MEP1A: variants seen among roughly 807,000 people sequenced by gnomAD.
MEP1A encodes meprin A subunit alpha.
Under a neutral mutation model 84.5 loss-of-function variants are expected in MEP1A, and 68 were observed. The observed-to-expected ratio is 0.80, with a 90% CI of 0.66 to 0.98. The LOEUF is 0.98. Ranked by LOEUF, MEP1A falls within the 50% of genes least tolerant of loss-of-function variation. The pLI, the probability that MEP1A is intolerant of heterozygous loss-of-function variation, is 0.00. For synonymous variants in MEP1A, 337 were observed against 336.8 expected, an observed-to-expected ratio of 1.00 and a Z score of -0.01; for missense variants, 887 against 919.9, an observed-to-expected ratio of 0.96 and a Z score of 0.46.
intron 5 of MEP1A, among the ~76,000 whole-genome samples, chr6:46,806,675 G>T (rs967879312): frequency 6.6e-6 from 1 of 151,908 alleles, no homozygotes; most frequent in African/African-American, 2.4e-5. Context: ...GATTGAAGGG[G>T]CACTTATATA....
intron 5 of MEP1A, 27 bp downstream of exon 5, chr6:46,799,208 A>C (rs776136512): frequency 4.1e-6 from 6 of 1,474,888 alleles, no homozygotes; most frequent in South Asian, 2.3e-5. Context: ...TTAATTAGGA[A>C]GTTTCAGTTT....
At chr6:46,813,066 T>G (rs572374701) in intron 6 of MEP1A, among the ~76,000 whole-genome samples, 10 of 152,184 alleles carry the variant, frequency 6.6e-5, no homozygotes, top group African/African-American at 2.4e-4. Flanking sequence ...CAGTGAGTAT[T>G]AAAGTCCCCC....
rs2150752936 is a variant in MEP1A at position 46,825,457 on chromosome 6, A to G, written c.742A>G (p.Ile248Val). ...IIGQRLDFSA[I>V]DLERLNRMYN... ...CGGACAGCGCCTGGATTTCAGTGCC[A>G]TTGATTTAGAGAGGCTGAACCGAAT... Residue 248 changes from isoleucine (I) to valine (V), a missense_variant, in exon 8 of 14, where the codon ATT (isoleucine) becomes GTT (valine). Physicochemically the swap from Ile to Val is conservative, Grantham distance 29. Coordinates refer to ENST00000230588, the MANE Select transcript of MEP1A (RefSeq NM_005588.3). 2 of 1,613,760 alleles carry G rather than the reference A, an allele frequency of 1.2e-6. No individual in the cohort carries two copies. The highest frequency in any genetic ancestry group is 1.7e-6 in the Non-Finnish European group (2 of 1,179,764).
chr6:46,797,671 A>G (rs1767074016), intron 3 of MEP1A, among the ~76,000 whole-genome samples: 1 of 152,182 alleles, frequency 6.6e-6, no homozygotes, highest in African/African-American at 2.4e-5. Context: ...ATGGAAAGGC[A>G]GGAGTTTTGA....
chr6:46,829,253 T>C (rs1011467898), intron 9 of MEP1A, 103 bp from the exon 10 acceptor site: 5 of 891,680 alleles, frequency 5.6e-6, no homozygotes, highest in Non-Finnish European at 7.3e-6. Context: ...TAGTTTTTGT[T>C]GCCTGGACAA....
intron 5 of MEP1A, among the ~76,000 whole-genome samples, chr6:46,805,356 T>C (rs1331844285): frequency 6.6e-6 from 1 of 151,948 alleles, no homozygotes; most frequent in Non-Finnish European, 1.5e-5. Context: ...CTGTTGGGCA[T>C]CTAGTGCTAT....
At chr6:46,835,123 C>G in intron 12 of MEP1A, 126 bp from the exon 13 acceptor site, 1 of 812,276 alleles carries the variant, frequency 1.2e-6, no homozygotes, top group Non-Finnish European at 1.9e-6. Flanking sequence ...GATTCAAAGC[C>G]ACTTTTCCAT....
At chr6:46,811,202 C>A (rs1454041706) in intron 6 of MEP1A, among the ~76,000 whole-genome samples, 1 of 151,858 alleles carries the variant, frequency 6.6e-6, no homozygotes, top group Non-Finnish European at 1.5e-5. Context: ...TAGGTATATT[C>A]CTAAGTATTT....
intron 13 of MEP1A, among the ~76,000 whole-genome samples, chr6:46,837,395 C>A (rs1466537645): frequency 6.6e-6 from 1 of 152,200 alleles, no homozygotes; most frequent in Non-Finnish European, 1.5e-5. Flanking sequence ...ATTTTATGAA[C>A]ACAATGTTAC....
rs1232482326 is a variant in MEP1A at position 46,793,577 on chromosome 6, G to C, written c.94+1G>C. 1.3e-6 allele frequency: 2 copies of C among 1,548,580 alleles called. No homozygotes were observed. Among genetic ancestry groups the C allele is most frequent in the Non-Finnish European group, 1.8e-6 (2 of 1,133,056 alleles). ...ATTAAGTATCTTCCTGAAGAAAATG[G>C]TAAGAATTAGTTCAAATGCACAGAG... On this transcript the variant is annotated splice_donor_variant, in intron 2 of 13. Transcript: ENST00000230588. LOFTEE classifies it high-confidence loss of function.
At chr6:46,818,341 G>A (rs577301049) in intron 6 of MEP1A, among the ~76,000 whole-genome samples, 3 of 152,216 alleles carry the variant, frequency 2.0e-5, no homozygotes, top group East Asian at 1.9e-4. Flanking sequence ...GTAGTCTTGG[G>A]GAGAACATTG....
At chr6:46,804,587 T>G (rs1276587355) in intron 5 of MEP1A, among the ~76,000 whole-genome samples, 1 of 151,906 alleles carries the variant, frequency 6.6e-6, no homozygotes, top group South Asian at 2.1e-4. Flanking sequence ...TAAGTATGCA[T>G]GTAATTAACT....
Position 46,825,487 on chromosome 6 carries a change from A to G in MEP1A, c.772A>G (p.Asn258Asp), listed in dbSNP as rs758436819. Residue 258 changes from asparagine (N) to aspartate (D), a missense_variant, in exon 8 of 14, where the codon AAT becomes GAT. Transcript: ENST00000230588. ...TTTAGAGAGGCTGAACCGAATGTAC[A>G]ATTGCAGTGAGTATCTCAGTTTCTG... ...IDLERLNRMY[N>D]CTTTHTLLDH... is the part of the protein sequence containing the mutation. 5.0e-6 allele frequency: 8 copies of G among 1,606,346 alleles called. No homozygotes were observed. The Admixed American group carries it at 1.3e-4, about 27-fold the overall frequency.
intron 10 of MEP1A, among the ~76,000 whole-genome samples, chr6:46,831,677 G>C (rs1165570074): frequency 6.6e-6 from 1 of 152,118 alleles, no homozygotes. Context: ...AACAAAGCAG[G>C]TACTAATCAG....
chr6:46,815,528 TG>T (rs1200894224), intron 6 of MEP1A, among the ~76,000 whole-genome samples: 1 of 152,170 alleles, frequency 6.6e-6, no homozygotes, highest in African/African-American at 2.4e-5. Context: ...GCCTCCTTGT[TG>T]AGAAAGCAAG....
chr6:46,825,261 C>T lies in MEP1A; in HGVS notation c.557-11C>T, dbSNP rs1288645439. The T allele has an allele frequency of 1.3e-6, 2 of 1,580,434 alleles. No homozygotes were observed. Among genetic ancestry groups the T allele is most frequent in the Non-Finnish European group, 8.7e-7 (1 of 1,153,106 alleles). ...TGACTGAGAAGGACCTGTGGATTCT[C>T]TCCCTAACAGGTTACCAGCACAACT... On this transcript the variant is annotated splice_polypyrimidine_tract_variant and intron_variant, in intron 7 of 13. Coordinates refer to ENST00000230588, the MANE Select transcript of MEP1A (RefSeq NM_005588.3).
At chr6:46,814,073 A>T (rs1767571427) in intron 6 of MEP1A, among the ~76,000 whole-genome samples, 1 of 151,978 alleles carries the variant, frequency 6.6e-6, no homozygotes. Context: ...GTTCTTTGAG[A>T]TTCTTATATT....
intron 7 of MEP1A, among the ~76,000 whole-genome samples, chr6:46,821,346 C>T (rs1188867749): frequency 6.6e-6 from 1 of 152,198 alleles, no homozygotes; most frequent in African/African-American, 2.4e-5. Context: ...GAACCAGAGG[C>T]CAGATAGCAC....
In MEP1A at chr6:46,813,007, C is replaced by T. The variant is rs558847240; in HGVS notation, c.380+3470C>T. Among the ~76,000 whole-genome samples, 13 of 152,048 alleles carry T rather than the reference C, an allele frequency of 8.5e-5. No homozygotes were observed. The South Asian group carries it at 2.3e-3, about 27-fold the overall frequency. ...ATTTGTTTTAGGGTATAGTTAAAGT[C>T]CATTGTTTCTTTGTTGACTTTCTGT... On this transcript the variant is annotated intron_variant, in intron 6 of 13. Coordinates refer to ENST00000230588, the MANE Select transcript of MEP1A (RefSeq NM_005588.3).
Sources: allele counts gnomAD v4.1 joint callset (sites outside exome capture counted in the v4.1 genomes callset), GRCh38; gene constraint gnomAD v4.1.1; transcripts MANE v1.5; gene names NCBI Gene and HGNC (gene_info 2026-07-23, HGNC 2026-07-21).